Variants in RGS7 observed in about 807,000 individuals in gnomAD.
RGS7 encodes regulator of G-protein signaling 7.
Under a neutral mutation model 81.1 loss-of-function variants are expected in RGS7, and 27 were observed. The ratio of observed to expected loss-of-function variants is 0.33; its 90% CI spans 0.25 to 0.46. The LOEUF (loss-of-function observed/expected upper bound fraction) is 0.46, where lower values mean the gene tolerates loss of function less well. Among genes scored for constraint, RGS7 ranks in the 20% least tolerant of loss-of-function variants. RGS7 has a pLI of 1.00. For missense variants in RGS7, 396 were observed against 607.4 expected, an observed-to-expected ratio of 0.65 and a Z score of 3.66; for synonymous variants, 208 against 207.7, an observed-to-expected ratio of 1.00 and a Z score of -0.01.
At chr1:241,125,405 A>T (rs1038868876) in intron 2 of RGS7, among the ~76,000 whole-genome samples, 4 of 149,326 alleles carry the variant, frequency 2.7e-5, no homozygotes, top group Admixed American at 2.0e-4. Flanking sequence ...TCATCTAGAT[A>T]CCCGACATGC....
At chr1:241,131,983 C>T (rs566228576) in intron 2 of RGS7, among the ~76,000 whole-genome samples, 1 of 152,306 alleles carries the variant, frequency 6.6e-6, no homozygotes, top group South Asian at 2.1e-4. Flanking sequence ...GTGGCATTAT[C>T]ATCCATCCCA....
At chr1:240,822,908 G>A in intron 10 of RGS7, 1 of 406,270 alleles carries the variant, frequency 2.5e-6, no homozygotes, top group Non-Finnish European at 4.6e-6. Flanking sequence ...GATGAGGCTG[G>A]ATAGTAATAA....
intron 2 of RGS7, among the ~76,000 whole-genome samples, chr1:241,334,430 G>A (rs1476294497): frequency 6.6e-6 from 1 of 152,070 alleles, no homozygotes; most frequent in African/African-American, 2.4e-5. Flanking sequence ...CACAACATGG[G>A]ATTCTTTGAT....
intron 3 of RGS7, among the ~76,000 whole-genome samples, chr1:240,994,299 C>T (rs765298667): frequency 6.6e-6 from 1 of 152,146 alleles, no homozygotes; most frequent in Non-Finnish European, 1.5e-5. Flanking sequence ...GGTTATTCTT[C>T]ATGGATTTGA....
chr1:241,187,558 A>T (rs2072241633), intron 2 of RGS7, among the ~76,000 whole-genome samples: 1 of 152,318 alleles, frequency 6.6e-6, no homozygotes, highest in Non-Finnish European at 1.5e-5. Context: ...GTCTCGTTTC[A>T]GTCTCAGCTC....
At position 241,202,804 on chromosome 1, in the gene RGS7, C is replaced by A. The variant is rs549831721; in HGVS notation, c.79-104042G>T. Among the ~76,000 whole-genome samples the A allele has an allele frequency of 5.9e-5, 9 of 151,398 alleles. No individual in the cohort carries two copies. The South Asian group carries it at 1.9e-3, about 32-fold the overall frequency. On this transcript the variant is annotated intron_variant, in intron 2 of 18. Coordinates refer to ENST00000440928, the MANE Select transcript of RGS7 (RefSeq NM_001364886.1). Reference sequence around the variant, plus strand: ...AGAGTAGTATTTTTAGGTTTTATGGCTGGCTTTAGGGGAAAGGGGTTCTGG... The same window carrying A: ...AGAGTAGTATTTTTAGGTTTTATGGATGGCTTTAGGGGAAAGGGGTTCTGG...
chr1:240,919,925 A>C, intron 6 of RGS7: 1 of 1,231,236 alleles, frequency 8.1e-7, no homozygotes, highest in South Asian at 1.2e-5. Context: ...CTGTCTCAAG[A>C]GAAGATTCTC....
At chr1:240,829,758 C>A (rs1258407179) in intron 9 of RGS7, among the ~76,000 whole-genome samples, 2 of 152,082 alleles carry the variant, frequency 1.3e-5, no homozygotes, top group Admixed American at 1.3e-4. Flanking sequence ...GACTGAGCCA[C>A]CACACTCCAG....
chr1:241,079,945 C>T (rs114592264), intron 3 of RGS7, among the ~76,000 whole-genome samples: 3,669 of 151,842 alleles, frequency 0.024, 68 homozygotes, highest in South Asian at 0.052. Flanking sequence ...AAAGAATAGC[C>T]AATATTTGTG....
intron 2 of RGS7, among the ~76,000 whole-genome samples, chr1:241,152,375 T>C (rs1572904419): frequency 6.6e-6 from 1 of 152,222 alleles, no homozygotes; most frequent in Non-Finnish European, 1.5e-5. Context: ...GCATCACTGT[T>C]GAAAATACGA....
chr1:240,960,206 C>CCCT (rs1681132115), intron 4 of RGS7, among the ~76,000 whole-genome samples: 1 of 65,464 alleles, frequency 1.5e-5, no homozygotes, highest in African/African-American at 6.3e-5. Flanking sequence ...CTTCTTCTTC[C>CCCT]TCTTCTTCTT....
At chr1:241,352,630 A>G (rs1444487186) in intron 2 of RGS7, among the ~76,000 whole-genome samples, 1 of 152,212 alleles carries the variant, frequency 6.6e-6, no homozygotes, top group Admixed American at 6.5e-5. Flanking sequence ...TCATGAAGCA[A>G]CATTACCATC....
At chr1:240,782,838 C>G (rs756724339) in intron 18 of RGS7, among the ~76,000 whole-genome samples, 2 of 152,074 alleles carry the variant, frequency 1.3e-5, no homozygotes, top group Admixed American at 1.3e-4. Context: ...TAATTCTATG[C>G]GAATAATACT....
At chr1:240,828,341 A>C (rs78325766) in intron 9 of RGS7, among the ~76,000 whole-genome samples, 4 of 152,180 alleles carry the variant, frequency 2.6e-5, no homozygotes, top group Admixed American at 2.6e-4. Flanking sequence ...ATGAATCACG[A>C]AACAGAGAAG....
At chr1:240,790,641 G>T (rs1032792391) in intron 18 of RGS7, among the ~76,000 whole-genome samples, 1 of 152,178 alleles carries the variant, frequency 6.6e-6, no homozygotes, top group Admixed American at 6.5e-5. Context: ...TTAGGGAAGG[G>T]ATTTCTAAGA....
chr1:241,275,293 T>C (rs1235601060), intron 2 of RGS7, among the ~76,000 whole-genome samples: 2 of 152,238 alleles, frequency 1.3e-5, no homozygotes, highest in African/African-American at 2.4e-5. Flanking sequence ...GAGTACCTAC[T>C]AATTTAGATT....
chr1:241,019,430 A>G (rs1445627896), intron 3 of RGS7, among the ~76,000 whole-genome samples: 1 of 152,128 alleles, frequency 6.6e-6, no homozygotes, highest in South Asian at 2.1e-4. Context: ...ATAGGTATAC[A>G]TGTGCCATGT....
rs1186127404 is a variant in RGS7 at position 240,868,046 on chromosome 1, A to G, written c.609+541T>C. ...AAGAAAAGAAAAGAAGAGAAAAGAA[A>G]GAAAGAAAGAAAGAAAAGAAGAGAA... is the stretch of plus-strand genomic sequence containing the variant. On this transcript the variant is annotated intron_variant, in intron 9 of 18. Coordinates refer to ENST00000440928, the MANE Select transcript of RGS7 (RefSeq NM_001364886.1). This position sits in a 1 kb window ranked among gnomAD's most constrained non-coding sequence, Gnocchi z 5.1. Among the ~76,000 whole-genome samples, 5 of 151,476 alleles carry G rather than the reference A, an allele frequency of 3.3e-5. No homozygotes were observed. The highest frequency in any genetic ancestry group is 2.0e-4 in the Admixed American group (3 of 15,148).
At chr1:240,851,517 A>G (rs919643125) in intron 9 of RGS7, among the ~76,000 whole-genome samples, 1 of 152,240 alleles carries the variant, frequency 6.6e-6, no homozygotes. Context: ...TCTGTAGTCA[A>G]TGGATGAAAG....
Sources: gnomAD v4.1 joint callset for allele counts (sites outside exome capture counted in the v4.1 genomes callset) on GRCh38, gnomAD v4.1.1 for gene constraint, Gnocchi (gnomAD v3.1) non-coding constraint, MANE v1.5 for transcripts, NCBI Gene and HGNC (gene_info 2026-07-23, HGNC 2026-07-21) for gene names.